ZEB1: variants seen among roughly 807,000 people sequenced by gnomAD.
ZEB1 encodes zinc finger E-box-binding homeobox 1.
A neutral mutation model predicts 84.9 loss-of-function variants in ZEB1; 21 were observed. The ratio of observed to expected loss-of-function variants is 0.25; its 90% CI spans 0.18 to 0.36. The LOEUF (loss-of-function observed/expected upper bound fraction) is 0.36. Ranked by LOEUF, ZEB1 falls within the 10% of genes least tolerant of loss-of-function variation. The pLI is 1.00. For missense variants in ZEB1, 1,104 were observed against 1,330.2 expected, an observed-to-expected ratio of 0.83 and a Z score of 2.65; for synonymous variants, 420 against 471.1, an observed-to-expected ratio of 0.89 and a Z score of 1.41.
intron 4 of ZEB1, among the ~76,000 whole-genome samples, chr10:31,504,353 C>G (rs2068592777): frequency 6.6e-6 from 1 of 151,958 alleles, no homozygotes; most frequent in Non-Finnish European, 1.5e-5. Flanking sequence ...GTTTTCCTTA[C>G]TGTACCTTGT....
chr10:31,508,085 G>A (rs929120528), intron 4 of ZEB1, among the ~76,000 whole-genome samples: 4 of 152,214 alleles, frequency 2.6e-5, no homozygotes, highest in Middle Eastern at 3.4e-3. Context: ...TGATTTCCTC[G>A]TTGGCTTAGG....
chr10:31,336,667 GGGCTTGAATA>G lies in ZEB1; in HGVS notation c.58+17379_58+17388del, dbSNP rs1373577957. ...AAGATGAACAATCTGATAGAAAACT[GGGCTTGAATA>G]GGCACTTCACAAAAGAATAAACTCG... On this transcript the variant is annotated intron_variant, in intron 1 of 8. Transcript: ENST00000424869. Among the ~76,000 whole-genome samples the G allele has an allele frequency of 3.3e-5, 5 of 152,180 alleles. No homozygotes were observed. In the East Asian group the frequency reaches 9.7e-4, roughly 29 times the overall value.
chr10:31,407,832 A>G (rs2053428262), intron 1 of ZEB1, among the ~76,000 whole-genome samples: 1 of 150,522 alleles, frequency 6.6e-6, no homozygotes, highest in Admixed American at 6.7e-5. Context: ...GAAAACTGGC[A>G]CAAGACAGGG....
intron 1 of ZEB1, among the ~76,000 whole-genome samples, chr10:31,445,131 G>T (rs368366130): frequency 3.2e-5 from 4 of 125,670 alleles, no homozygotes; most frequent in Non-Finnish European, 6.0e-5. Flanking sequence ...GGTCCTTCAC[G>T]TCCCTTGTAA....
intron 1 of ZEB1, among the ~76,000 whole-genome samples, chr10:31,459,331 C>T (rs1402349046): frequency 6.6e-6 from 1 of 151,932 alleles, no homozygotes; most frequent in Non-Finnish European, 1.5e-5. Context: ...ATAGGTGATG[C>T]TGGATTTATA....
intron 1 of ZEB1, among the ~76,000 whole-genome samples, chr10:31,320,903 C>T (rs1033816618): frequency 2.0e-5 from 3 of 152,112 alleles, no homozygotes; most frequent in Admixed American, 6.5e-5. Flanking sequence ...TAATAATGGG[C>T]GGCAACGGCC....
intron 1 of ZEB1, among the ~76,000 whole-genome samples, chr10:31,443,682 G>A (rs1487366760): frequency 6.0e-5 from 9 of 149,378 alleles, no homozygotes; most frequent in Non-Finnish European, 1.2e-4. Flanking sequence ...TTGTTCTTGC[G>A]ATAGTTTACT....
At chr10:31,423,433 G>T (rs2056489233) in intron 1 of ZEB1, among the ~76,000 whole-genome samples, 1 of 152,070 alleles carries the variant, frequency 6.6e-6, no homozygotes, top group South Asian at 2.1e-4. Flanking sequence ...TAGAAATTGG[G>T]ACTTGCATGT....
intron 1 of ZEB1, among the ~76,000 whole-genome samples, chr10:31,331,142 T>G (rs1441964342): frequency 7.2e-6 from 1 of 138,686 alleles, no homozygotes; most frequent in African/African-American, 2.8e-5. Context: ...CAGGCTGGAA[T>G]GCAGTGGCAT....
In ZEB1 at chr10:31,504,815, T is replaced by C. The variant is rs532131697; in HGVS notation, c.484+2306T>C. On this transcript the variant is annotated intron_variant, in intron 4 of 8. Transcript: ENST00000424869. ...TATGTTGAGTTTTGTATCCTGCAACTTTCAGTTTATTTAGCAGATTGCAGT... is the reference window on the plus strand; with the variant it reads ...TATGTTGAGTTTTGTATCCTGCAACCTTCAGTTTATTTAGCAGATTGCAGT... Among the ~76,000 whole-genome samples the C allele has an allele frequency of 4.6e-5, 7 of 152,206 alleles. No individual in the cohort carries two copies. The East Asian group carries it at 1.2e-3, about 25-fold the overall frequency.
At chr10:31,463,178 T>C (rs1188117788) in intron 2 of ZEB1, among the ~76,000 whole-genome samples, 2 of 151,862 alleles carry the variant, frequency 1.3e-5, no homozygotes, top group African/African-American at 2.4e-5. Context: ...ATGATCTGTC[T>C]GGGGAAAAAA....
chr10:31,502,534 T>G (rs779066384), intron 4 of ZEB1, 25 bp downstream of exon 4: 1 of 1,613,506 alleles, frequency 6.2e-7, no homozygotes, highest in South Asian at 1.1e-5. Context: ...ACAGTTGTGT[T>G]TCTTTCCCTC....
chr10:31,470,625 T>C, intron 2 of ZEB1, among the ~76,000 whole-genome samples: 1 of 137,604 alleles, frequency 7.3e-6, no homozygotes, highest in East Asian at 2.2e-4. Flanking sequence ...TGGAACCAAG[T>C]TGGAAAACAC....
intron 2 of ZEB1, among the ~76,000 whole-genome samples, chr10:31,494,173 T>A (rs1037149702): frequency 6.6e-6 from 1 of 151,882 alleles, no homozygotes; most frequent in African/African-American, 2.4e-5. Flanking sequence ...AGGAGACACA[T>A]TGAAGCGAGA....
intron 2 of ZEB1, among the ~76,000 whole-genome samples, chr10:31,471,361 G>C (rs535140113): frequency 6.8e-6 from 1 of 147,996 alleles, no homozygotes; most frequent in Non-Finnish European, 1.5e-5. Context: ...ATAAAAGGAT[G>C]GAGGAAGATC....
intron 1 of ZEB1, among the ~76,000 whole-genome samples, chr10:31,441,718 AC>A (rs745997533): frequency 9.9e-4 from 151 of 152,380 alleles, no homozygotes; most frequent in South Asian, 6.4e-3. Context: ...CAAGAAAAAA[AC>A]AACCCCATCA....
chr10:31,403,135 T>C (rs161281), intron 1 of ZEB1, among the ~76,000 whole-genome samples: 11,976 of 152,108 alleles, frequency 0.079, 673 homozygotes, highest in African/African-American at 0.16. Context: ...CTACTAGCTG[T>C]GTAACCTTAG....
chr10:31,458,134 C>T (rs2061443004), intron 1 of ZEB1, among the ~76,000 whole-genome samples: 1 of 152,056 alleles, frequency 6.6e-6, no homozygotes, highest in Non-Finnish European at 1.5e-5. Context: ...ATAGCCAGAT[C>T]TTAGTGGAGT....
intron 2 of ZEB1, among the ~76,000 whole-genome samples, chr10:31,479,638 T>C (rs756323859): frequency 3.3e-5 from 5 of 151,934 alleles, no homozygotes; most frequent in Non-Finnish European, 7.4e-5. Context: ...ATTCTGATAT[T>C]CACAGATCTG....
Sources: allele counts gnomAD v4.1 joint callset (sites outside exome capture counted in the v4.1 genomes callset), GRCh38; gene constraint gnomAD v4.1.1; transcripts MANE v1.5; gene names NCBI Gene and HGNC (gene_info 2026-07-23, HGNC 2026-07-21).